The following NOL4 variants were observed in gnomAD, a reference collection of about 807,000 sequenced individuals.
NOL4 encodes nucleolar protein 4, also known as cancer/testis antigen 125.
A neutral mutation model predicts 75.9 loss-of-function variants in NOL4; 17 were observed. The ratio of observed to expected loss-of-function variants is 0.22; its 90% CI spans 0.15 to 0.34. NOL4 has a LOEUF of 0.34. NOL4 is among the 10% of genes least tolerant of loss of function. The pLI, the probability that NOL4 is intolerant of heterozygous loss-of-function variation, is 1.00. For missense variants in NOL4, 614 were observed against 793.5 expected, an observed-to-expected ratio of 0.77 and a Z score of 2.72; for synonymous variants, 292 against 289.9, an observed-to-expected ratio of 1.01 and a Z score of -0.07.
chr18:34,046,635 T>TATA (rs2076391826), intron 5 of NOL4, among the ~76,000 whole-genome samples: 1 of 140,832 alleles, frequency 7.1e-6, no homozygotes, highest in South Asian at 2.3e-4. Flanking sequence ...TATATATATA[T>TATA]ATGTATATGT....
intron 4 of NOL4, among the ~76,000 whole-genome samples, chr18:34,097,328 C>A (rs1039271462): frequency 4.6e-5 from 7 of 152,120 alleles, no homozygotes; most frequent in African/African-American, 1.7e-4. Context: ...TTATCAGCAT[C>A]TCTATGAAAT....
chr18:34,085,413 GAACT>G (rs1033753897), intron 5 of NOL4, among the ~76,000 whole-genome samples: 16 of 152,098 alleles, frequency 1.1e-4, no homozygotes, highest in African/African-American at 3.9e-4. Flanking sequence ...TCAAAACAAA[GAACT>G]AACCCAGCAG....
rs939601793 is a variant in NOL4, at chr18:34,072,383, G to A, written c.772+21082C>T. Among the ~76,000 whole-genome samples the A allele has an allele frequency of 2.6e-5, 4 of 152,078 alleles. No individual in the cohort carries two copies. In the South Asian group the frequency reaches 6.2e-4, roughly 24 times the overall value. On this transcript the variant is annotated intron_variant, in intron 5 of 10. Transcript: ENST00000261592. ...TCAGGGACATCCCATAAAGACCAAT[G>A]GGTCAATTTAATAGGAAGACATCAT... is the stretch of plus-strand genomic sequence containing the variant.
chr18:34,183,148 C>T (rs2034177378), intron 1 of NOL4, among the ~76,000 whole-genome samples: 1 of 151,676 alleles, frequency 6.6e-6, no homozygotes, highest in South Asian at 2.1e-4. Flanking sequence ...ATTTGCAAAT[C>T]ACATTTCTGA....
intron 5 of NOL4, among the ~76,000 whole-genome samples, chr18:34,057,981 T>G (rs1042351835): frequency 2.6e-5 from 4 of 152,182 alleles, no homozygotes; most frequent in African/African-American, 9.7e-5. Flanking sequence ...AATTTTCCAG[T>G]TATTTTTTCT....
At chr18:33,871,812 A>C (rs1030711915) in intron 10 of NOL4, among the ~76,000 whole-genome samples, 2 of 152,012 alleles carry the variant, frequency 1.3e-5, no homozygotes, top group African/African-American at 4.8e-5. Context: ...AACCAATTAC[A>C]AGTGCTGGAT....
At chr18:34,042,226 G>A (rs1196846453) in intron 5 of NOL4, among the ~76,000 whole-genome samples, 1 of 151,848 alleles carries the variant, frequency 6.6e-6, no homozygotes, top group Non-Finnish European at 1.5e-5. Context: ...TCAAATATTT[G>A]AATAAGGCTA....
At chr18:34,012,724 C>A (rs543230968) in intron 6 of NOL4, among the ~76,000 whole-genome samples, 16 of 152,052 alleles carry the variant, frequency 1.1e-4, no homozygotes, top group Admixed American at 9.8e-4. Context: ...CTGTTACATT[C>A]TTTTCATGGT....
chr18:34,100,935 T>C (rs889399315), intron 4 of NOL4, among the ~76,000 whole-genome samples: 4 of 152,190 alleles, frequency 2.6e-5, no homozygotes, highest in Non-Finnish European at 5.9e-5. Context: ...TCAAATGTTT[T>C]CTACCCACAG....
chr18:34,025,296 G>C (rs1032916655), intron 5 of NOL4, among the ~76,000 whole-genome samples: 1 of 152,094 alleles, frequency 6.6e-6, no homozygotes, highest in African/African-American at 2.4e-5. Context: ...TTATCTGGGG[G>C]AAAAGGATAA....
intron 9 of NOL4, among the ~76,000 whole-genome samples, chr18:33,889,617 A>T (rs1365792763): frequency 6.6e-6 from 1 of 152,158 alleles, no homozygotes; most frequent in Admixed American, 6.6e-5. Context: ...TCCCTAATGA[A>T]CATCGATGTG....
chr18:34,077,375 G>C (rs1328748953), intron 5 of NOL4, among the ~76,000 whole-genome samples: 2 of 151,810 alleles, frequency 1.3e-5, no homozygotes, highest in East Asian at 3.9e-4. Flanking sequence ...TAAAAATCAA[G>C]ACAAATATTT....
At chr18:33,996,214 A>C (rs776239824) in intron 6 of NOL4, among the ~76,000 whole-genome samples, 15 of 151,804 alleles carry the variant, frequency 9.9e-5, no homozygotes, top group Non-Finnish European at 2.1e-4. Context: ...AAAAAAAGAA[A>C]GAAAACCAAC....
At position 34,019,412 on chromosome 18, in the gene NOL4, A is replaced by G. The variant is rs1468669074; in HGVS notation, c.962T>C (p.Ile321Thr). The G allele has an allele frequency of 6.2e-7, 1 of 1,613,936 alleles. No homozygotes were observed. ...LSAQLTSEYR[I>T]DDHNSNGKNK... is the part of the protein sequence containing the mutation. Reference sequence around the variant, plus strand: ...TTTCCCATTACTGTTGTGATCATCTATTCTGTATTCCGAAGTTAGCTGCGC... The same window carrying G: ...TTTCCCATTACTGTTGTGATCATCTGTTCTGTATTCCGAAGTTAGCTGCGC... Residue 321 changes from isoleucine (I) to threonine (T), a missense_variant, in exon 6 of 11, where the codon ATA (isoleucine) becomes ACA (threonine). By Grantham distance (89) the Ile-to-Thr change is moderately conservative (BLOSUM62 -1). Coordinates refer to ENST00000261592, the MANE Select transcript of NOL4 (RefSeq NM_003787.5).
chr18:34,085,500 G>A (rs542311301), intron 5 of NOL4, among the ~76,000 whole-genome samples: 4 of 152,162 alleles, frequency 2.6e-5, no homozygotes, highest in Non-Finnish European at 5.9e-5. Flanking sequence ...TAACCAAGCC[G>A]ATTTCCCCTA....
Position 33,957,349 on chromosome 18 carries a change from T to G in NOL4, c.1405A>C (p.Met469Leu). 6.2e-7 allele frequency: 1 copy of G among 1,613,116 alleles called. No individual in the cohort carries two copies. Among genetic ancestry groups the G allele is most frequent in the Non-Finnish European group, 8.5e-7 (1 of 1,179,394 alleles). Residue 469 changes from methionine (M) to leucine (L), a missense_variant, in exon 8 of 11, where the codon ATG (methionine) becomes CTG (leucine). Physicochemically the swap from Met to Leu is conservative, Grantham distance 15. This residue lies in a region of NOL4 where 52 missense variants were observed against 121.1 expected (regional missense o/e 0.43). Transcript: ENST00000261592. ...ACCATCTCAAAACCACTTCTTTTCA[T>G]CCGCCTGCAGGACTTGAGGTAAGTA... is the stretch of plus-strand genomic sequence containing the variant. ...IRTYLKSCRR[M>L]KRSGFEMSRP... is the part of the protein sequence containing the mutation.
intron 1 of NOL4, among the ~76,000 whole-genome samples, chr18:34,138,498 A>C (rs542416760): frequency 2.0e-5 from 3 of 152,198 alleles, no homozygotes; most frequent in Non-Finnish European, 4.4e-5. Context: ...GCCACAAAGT[A>C]TCTTTTAGGA....
chr18:34,017,838 C>A (rs556152503), intron 6 of NOL4, among the ~76,000 whole-genome samples: 34 of 152,198 alleles, frequency 2.2e-4, no homozygotes, highest in Admixed American at 1.3e-4. Flanking sequence ...TCTTCATTTA[C>A]TAAGCCATAA....
chr18:34,161,034 C>T, intron 1 of NOL4, among the ~76,000 whole-genome samples: 1 of 152,164 alleles, frequency 6.6e-6, no homozygotes. Context: ...ATGAGATCAA[C>T]TTTCTTAGCT....
Sources: allele counts gnomAD v4.1 joint callset (sites outside exome capture counted in the v4.1 genomes callset), GRCh38; gene constraint gnomAD v4.1.1; regional missense constraint gnomAD v4.1.1; transcripts MANE v1.5; gene names NCBI Gene and HGNC (gene_info 2026-07-23, HGNC 2026-07-21).